The following MBD5 variants were observed in gnomAD, a reference collection of about 807,000 sequenced individuals.
MBD5 encodes methyl-CpG binding domain protein 5, also known as methyl-CpG-binding domain protein 5.
Under a neutral mutation model 117.3 loss-of-function variants are expected in MBD5, and 13 were observed. That is an observed-to-expected ratio of 0.11 (90% CI 0.07 to 0.18). The LOEUF is 0.18. Among genes scored for constraint, MBD5 ranks in the 10% least tolerant of loss-of-function variants. The pLI is 1.00. For synonymous variants in MBD5, 727 were observed against 766.4 expected, an observed-to-expected ratio of 0.95 and a Z score of 0.85; for missense variants, 1,879 against 2,093.8, an observed-to-expected ratio of 0.90 and a Z score of 2.00.
intron 4 of MBD5, among the ~76,000 whole-genome samples, chr2:148,349,682 A>G (rs528594326): frequency 6.6e-6 from 1 of 152,120 alleles, no homozygotes; most frequent in African/African-American, 2.4e-5. Context: ...ACCAGTTCAT[A>G]ATTTTGCATG....
intron 1 of MBD5, among the ~76,000 whole-genome samples, chr2:148,145,888 G>A (rs1697446124): frequency 6.6e-6 from 1 of 152,108 alleles, no homozygotes; most frequent in Admixed American, 6.6e-5. Context: ...ATGTTCATCA[G>A]GGATATTGGT....
At position 148,472,431 on chromosome 2, in the gene MBD5, A is replaced by G. The variant is rs759818591; in HGVS notation, c.2518+1970A>G. 2.6e-4 allele frequency: 40 copies of G among 152,276 alleles called. No individual in the cohort carries two copies. The South Asian group carries it at 2.7e-3, about 10-fold the overall frequency. The allele number at this position is 152,276 out of a possible 1,614,324, so 9.4% of individuals were successfully genotyped here. On this transcript the variant is annotated intron_variant, in intron 8 of 13. Coordinates refer to ENST00000642680, the MANE Select transcript of MBD5 (RefSeq NM_001378120.1). ...GAATTTTTAAAGTATTAAACCTAATAAAATTAAATACTAATTAACGTGCAT... is the reference window on the plus strand; with the variant it reads ...GAATTTTTAAAGTATTAAACCTAATGAAATTAAATACTAATTAACGTGCAT...
chr2:148,161,571 A>G (rs1698009557), intron 1 of MBD5, among the ~76,000 whole-genome samples: 1 of 152,076 alleles, frequency 6.6e-6, no homozygotes, highest in Non-Finnish European at 1.5e-5. Flanking sequence ...ATCTTCCTTC[A>G]CGTTGCAGTA....
At chr2:148,168,938 C>CAT (rs1355170789) in intron 1 of MBD5, among the ~76,000 whole-genome samples, 4 of 148,370 alleles carry the variant, frequency 2.7e-5, no homozygotes, top group South Asian at 2.1e-4. Flanking sequence ...GATATATATA[C>CAT]ATATATATAC....
chr2:148,175,621 G>A (rs894447097), intron 1 of MBD5, among the ~76,000 whole-genome samples: 3 of 152,144 alleles, frequency 2.0e-5, no homozygotes, highest in Admixed American at 2.0e-4. Context: ...GGCTTCCAGA[G>A]TTATTGGAGA....
chr2:148,343,042 C>G (rs1403692168), intron 4 of MBD5, among the ~76,000 whole-genome samples: 2 of 151,970 alleles, frequency 1.3e-5, no homozygotes, highest in Non-Finnish European at 2.9e-5. Context: ...GTTTTCTGTT[C>G]CTGTGTTAAT....
chr2:148,481,333 G>T (rs1681146683), intron 8 of MBD5, among the ~76,000 whole-genome samples: 1 of 151,992 alleles, frequency 6.6e-6, no homozygotes, highest in African/African-American at 2.4e-5. Flanking sequence ...GTGAAAACAA[G>T]AAGAATATAA....
chr2:148,333,520 C>T (rs192536381), intron 3 of MBD5, among the ~76,000 whole-genome samples: 165 of 152,126 alleles, frequency 1.1e-3, no homozygotes, highest in African/African-American at 3.6e-3. Flanking sequence ...TTCAGTTTTC[C>T]TCTTTTCAGT....
Position 148,454,860 on chromosome 2 carries a change from T to C in MBD5, c.-556-3343T>C, listed in dbSNP as rs191092084. Among the ~76,000 whole-genome samples the C allele has an allele frequency of 2.5e-3, 377 of 152,282 alleles. 3 individuals are homozygous for C. Among genetic ancestry groups the C allele is most frequent in the Non-Finnish European group, 4.0e-4 (27 of 68,016 alleles). ...GAAAAAAAGCATATCAATGGTTCCA[T>C]AGACATTTAGGATTTTTTTGTTTCT... On this transcript the variant is annotated intron_variant, in intron 4 of 13. Coordinates refer to ENST00000642680, the MANE Select transcript of MBD5 (RefSeq NM_001378120.1).
intron 1 of MBD5, among the ~76,000 whole-genome samples, chr2:148,070,316 T>G (rs777440951): frequency 6.6e-6 from 1 of 152,200 alleles, no homozygotes; most frequent in African/African-American, 2.4e-5. Flanking sequence ...ATTTTATCAT[T>G]GGTGCTATGT....
intron 2 of MBD5, among the ~76,000 whole-genome samples, chr2:148,212,419 A>G (rs1233693629): frequency 1.3e-5 from 2 of 152,138 alleles, no homozygotes; most frequent in East Asian, 1.9e-4. Flanking sequence ...ATTACTTTTT[A>G]TAGCCAAATA....
At chr2:148,051,158 A>G (rs1694689043) in intron 1 of MBD5, among the ~76,000 whole-genome samples, 1 of 152,072 alleles carries the variant, frequency 6.6e-6, no homozygotes, top group East Asian at 1.9e-4. Flanking sequence ...TTTATTCTTA[A>G]GTATTTTATT....
chr2:148,325,935 C>G (rs1360048876), intron 3 of MBD5, among the ~76,000 whole-genome samples: 1 of 152,078 alleles, frequency 6.6e-6, no homozygotes, highest in Non-Finnish European at 1.5e-5. Flanking sequence ...GTTAGGGTGT[C>G]AATTTTGGAT....
rs1695630279 is a variant in MBD5, at chr2:148,080,835, G to T, written c.-925+59151G>T. 2.0e-5 allele frequency among the ~76,000 whole-genome samples: 3 copies of T among 152,096 alleles called. No individual in the cohort carries two copies. The South Asian group carries it at 6.2e-4, about 32-fold the overall frequency. On this transcript the variant is annotated intron_variant, in intron 1 of 13. Coordinates refer to ENST00000642680, the MANE Select transcript of MBD5 (RefSeq NM_001378120.1). ...AAAAAGTATTAGAAGCAAATGTATG[G>T]AAATTCTGAGTGATTGTATTAAGGT...
At chr2:148,210,287 T>C (rs2106004617) in intron 2 of MBD5, among the ~76,000 whole-genome samples, 1 of 152,266 alleles carries the variant, frequency 6.6e-6, no homozygotes, top group East Asian at 1.9e-4. Flanking sequence ...CATTTATGTA[T>C]ACCCTACCCC....
At position 148,344,857 on chromosome 2, in the gene MBD5, T is replaced by C. The variant is rs539762967; in HGVS notation, c.-557+2521T>C. ...TTTATTAAATATATGGAAACATGAC[T>C]TAAGTGATATGTATTCATATCTGAT... On this transcript the variant is annotated intron_variant, in intron 4 of 13. Transcript: ENST00000642680. Among the ~76,000 whole-genome samples, 5 of 151,962 alleles carry C rather than the reference T, an allele frequency of 3.3e-5. No individual in the cohort carries two copies. In the South Asian group the frequency reaches 1.0e-3, roughly 32 times the overall value.
chr2:148,424,165 A>G (rs1288091539), intron 4 of MBD5, among the ~76,000 whole-genome samples: 1 of 125,528 alleles, frequency 8.0e-6, no homozygotes, highest in African/African-American at 3.0e-5. Context: ...GCAACAGAGC[A>G]AGACTCTGTC....
At chr2:148,185,626 G>T (rs1698635170) in intron 2 of MBD5, among the ~76,000 whole-genome samples, 2 of 152,124 alleles carry the variant, frequency 1.3e-5, no homozygotes, top group Non-Finnish European at 2.9e-5. Context: ...TGATGCTCAG[G>T]TGTGGTGGCT....
chr2:148,488,500 G>A (rs1681407672), intron 10 of MBD5, among the ~76,000 whole-genome samples: 1 of 151,988 alleles, frequency 6.6e-6, no homozygotes, highest in Admixed American at 6.6e-5. Context: ...ATGTAGACAG[G>A]GTGATAATAG....
Sources: allele counts gnomAD v4.1 joint callset (sites outside exome capture counted in the v4.1 genomes callset), GRCh38; gene constraint gnomAD v4.1.1; transcripts MANE v1.5; gene names NCBI Gene and HGNC (gene_info 2026-07-23, HGNC 2026-07-21).